Variants in GRK3 observed in about 807,000 individuals in gnomAD.
GRK3 encodes the protein G protein-coupled receptor kinase 3.
In GRK3, 54 loss-of-function variants were observed where a neutral mutation model predicts 95.7. That is an observed-to-expected ratio of 0.56 (90% CI 0.45 to 0.71). The LOEUF is 0.71. GRK3 is among the 30% of genes least tolerant of loss of function. GRK3 has a pLI of 0.00. For missense variants in GRK3, 649 were observed against 851.2 expected (o/e 0.76, Z 2.96); for synonymous variants, 281 against 290.8 (o/e 0.97, Z 0.34).
In GRK3 at chr22:25,659,598, A is replaced by G. The variant is rs566865405; in HGVS notation, c.265-1978A>G. Among the ~76,000 whole-genome samples the G allele has an allele frequency of 2.0e-5, 3 of 152,328 alleles. No individual in the cohort carries two copies. The South Asian group carries it at 6.2e-4, about 32-fold the overall frequency. ...TTTCCCTGCCCAGGTTACCTGGACA[A>G]CCAAACTTCCGGGGTCAGAGATGGC... On this transcript the variant is annotated intron_variant, in intron 3 of 20. Transcript: ENST00000324198.
At chr22:25,582,955 G>T (rs1932153708) in intron 1 of GRK3, among the ~76,000 whole-genome samples, 1 of 152,210 alleles carries the variant, frequency 6.6e-6, no homozygotes, top group East Asian at 1.9e-4. Flanking sequence ...TGAAAAGTTG[G>T]CATGTGACAG....
chr22:25,566,916 C>A (rs73879504), intron 1 of GRK3, among the ~76,000 whole-genome samples: 3 of 139,300 alleles, frequency 2.2e-5, no homozygotes, highest in African/African-American at 8.5e-5. Flanking sequence ...TTGGGGGGGG[C>A]TAGTATATAA....
intron 18 of GRK3, among the ~76,000 whole-genome samples, chr22:25,715,713 A>G (rs1009783696): frequency 6.6e-6 from 1 of 152,146 alleles, no homozygotes; most frequent in African/African-American, 2.4e-5. Context: ...ATGTAATTTC[A>G]TCTTCCCTCT....
intron 13 of GRK3, among the ~76,000 whole-genome samples, chr22:25,698,619 G>A (rs78201951): frequency 2.8e-3 from 420 of 152,334 alleles, no homozygotes; most frequent in African/African-American, 9.6e-3. Context: ...GGTTGGGTCA[G>A]CACTGGGAGG....
At chr22:25,570,420 C>T (rs1468462663) in intron 1 of GRK3, among the ~76,000 whole-genome samples, 1 of 152,218 alleles carries the variant, frequency 6.6e-6, no homozygotes, top group Non-Finnish European at 1.5e-5. Context: ...GAGCTGTCCC[C>T]TCCCTTGAAA....
At chr22:25,610,110 C>G (rs1349135821) in intron 2 of GRK3, among the ~76,000 whole-genome samples, 2 of 152,124 alleles carry the variant, frequency 1.3e-5, no homozygotes, top group Non-Finnish European at 1.5e-5. Flanking sequence ...CTCGGCCTCC[C>G]AAAGTGCTGG....
intron 1 of GRK3, among the ~76,000 whole-genome samples, chr22:25,592,750 G>A: frequency 6.6e-6 from 1 of 152,238 alleles, no homozygotes. Flanking sequence ...TGATCCCATT[G>A]CCTAGTTAGT....
chr22:25,694,718 G>A (rs955926705), intron 12 of GRK3, among the ~76,000 whole-genome samples: 1 of 152,242 alleles, frequency 6.6e-6, no homozygotes, highest in Admixed American at 6.5e-5. Flanking sequence ...CCACAGCGCC[G>A]CAGCGTGGTC....
At chr22:25,688,235 CA>C (rs35383882) in intron 11 of GRK3, among the ~76,000 whole-genome samples, 7,869 of 63,486 alleles carry the variant, frequency 0.12, 226 homozygotes, top group African/African-American at 0.26. Flanking sequence ...GACTCTGTCT[CA>C]AAAAAAAAAA....
chr22:25,582,004 T>A (rs556554238), intron 1 of GRK3, among the ~76,000 whole-genome samples: 1 of 152,150 alleles, frequency 6.6e-6, no homozygotes, highest in South Asian at 2.1e-4. Flanking sequence ...GTTTCATGGC[T>A]GGGCGCGGTG....
intron 1 of GRK3, among the ~76,000 whole-genome samples, chr22:25,569,958 A>C (rs917847645): frequency 2.6e-5 from 4 of 152,234 alleles, no homozygotes; most frequent in African/African-American, 9.6e-5. Context: ...AGGGACGCCC[A>C]GGTTTCGCCC....
At chr22:25,672,236 T>C in intron 6 of GRK3, 60 bp from the exon 7 acceptor site, 1 of 875,994 alleles carries the variant, frequency 1.1e-6, no homozygotes, top group East Asian at 2.7e-5. Context: ...TACGGTGTTG[T>C]TTTGTAAATC....
chr22:25,674,039 A>G (rs1051297639), intron 7 of GRK3, among the ~76,000 whole-genome samples: 1 of 152,182 alleles, frequency 6.6e-6, no homozygotes, highest in Non-Finnish European at 1.5e-5. Context: ...AGTTCTCGGA[A>G]GCATTGGATT....
intron 2 of GRK3, among the ~76,000 whole-genome samples, chr22:25,639,359 T>C (rs1054097084): frequency 6.6e-6 from 1 of 152,218 alleles, no homozygotes; most frequent in Admixed American, 6.5e-5. Context: ...ATTTAATTCT[T>C]TATAAGGTGT....
At chr22:25,630,435 G>A (rs2084656395) in intron 2 of GRK3, among the ~76,000 whole-genome samples, 1 of 152,234 alleles carries the variant, frequency 6.6e-6, no homozygotes. Flanking sequence ...CTGATGTGCA[G>A]AGAACTGTGA....
intron 3 of GRK3, chr22:25,648,413 G>A: frequency 7.8e-7 from 1 of 1,281,918 alleles, no homozygotes; most frequent in Non-Finnish European, 1.1e-6. Context: ...AAGATGCTTG[G>A]GAAATCCCTT....
chr22:25,607,768 A>G, intron 2 of GRK3, among the ~76,000 whole-genome samples: 1 of 149,502 alleles, frequency 6.7e-6, no homozygotes, highest in Non-Finnish European at 1.5e-5. Context: ...TTCAGTAGAG[A>G]CACGGTTTCA....
chr22:25,620,006 T>TGTGTGTGTG (rs1555918885), intron 2 of GRK3, among the ~76,000 whole-genome samples: 2 of 90,322 alleles, frequency 2.2e-5, no homozygotes, highest in African/African-American at 1.3e-4. Flanking sequence ...TTTGTCTTTT[T>TGTGTGTGTG]TGTGTGTGTG....
At chr22:25,649,874 A>C (rs1430892593) in intron 3 of GRK3, among the ~76,000 whole-genome samples, 1 of 152,224 alleles carries the variant, frequency 6.6e-6, no homozygotes, top group Non-Finnish European at 1.5e-5. Context: ...GTTAACATTC[A>C]TATTAATGGA....
Sources: gnomAD v4.1 joint callset for allele counts (sites outside exome capture counted in the v4.1 genomes callset) on GRCh38, gnomAD v4.1.1 for gene constraint, MANE v1.5 for transcripts, NCBI Gene and HGNC (gene_info 2026-07-23, HGNC 2026-07-21) for gene names.